GNA15: variants seen among roughly 807,000 people sequenced by gnomAD.
GNA15 encodes G protein subunit alpha 15.
In GNA15, 23 loss-of-function variants were observed where a neutral mutation model predicts 40.1. The observed-to-expected ratio is 0.57, with a 90% CI of 0.41 to 0.81. The LOEUF (loss-of-function observed/expected upper bound fraction) is 0.81, where lower values mean the gene tolerates loss of function less well. GNA15 is among the 40% of genes least tolerant of loss of function. GNA15 has a pLI of 0.00. For missense variants in GNA15, 522 were observed against 515.8 expected (o/e 1.01, Z -0.12); for synonymous variants, 226 against 210.4 (o/e 1.07, Z -0.64).
At chr19:3,145,359 A>ATATATATATATATATATATTTTTTT in intron 1 of GNA15, among the ~76,000 whole-genome samples, 2 of 46,972 alleles carry the variant, frequency 4.3e-5, no homozygotes, top group Non-Finnish European at 7.8e-5. Flanking sequence ...ATATATATAT[A>ATATATATATATATATATATTTTTTT]TTTTTTTTTT....
chr19:3,156,162 A>C (rs1915008383), intron 5 of GNA15, among the ~76,000 whole-genome samples: 2 of 121,774 alleles, frequency 1.6e-5, no homozygotes, highest in African/African-American at 7.1e-5. Context: ...TCAGGACCCC[A>C]GACACACACA....
intron 2 of GNA15, 74 bp from the exon 3 acceptor site, chr19:3,150,057 G>A (rs980300302): frequency 7.5e-7 from 1 of 1,326,874 alleles, no homozygotes; most frequent in Non-Finnish European, 1.1e-6. Context: ...GGACGTGGGG[G>A]CTTGCAGAGA....
intron 4 of GNA15, among the ~76,000 whole-genome samples, chr19:3,153,606 T>C (rs1479925320): frequency 6.7e-6 from 1 of 148,932 alleles, no homozygotes; most frequent in Non-Finnish European, 1.5e-5. Flanking sequence ...GATGAATTAA[T>C]GGGTAGATGG....
chr19:3,140,044 A>AAAAATCTATCTATCTATCTATCTATCT (rs71307196), intron 1 of GNA15, among the ~76,000 whole-genome samples: 1 of 124,054 alleles, frequency 8.1e-6, no homozygotes, highest in Non-Finnish European at 1.8e-5. Flanking sequence ...AAAAAAAAAA[A>AAAAATCTATCTATCTATCTATCTATCT]ATCTATCTAT....
Position 3,136,536 on chromosome 19 carries a change from A to G in GNA15, c.86A>G (p.Asn29Ser). 1 of 1,569,538 alleles carries G rather than the reference A, an allele frequency of 6.4e-7. No homozygotes were observed. Among genetic ancestry groups the G allele is most frequent in the Non-Finnish European group, 8.6e-7 (1 of 1,157,546 alleles). The change falls in exon 1 of 7, where the codon AAC (asparagine) becomes AGC (serine). Residue 29 changes from asparagine to serine, a missense_variant. Asn to Ser is a conservative substitution (Grantham distance 46, BLOSUM62 1). Coordinates refer to ENST00000262958, the MANE Select transcript of GNA15 (RefSeq NM_002068.4). The surrounding 1 kb of genome is among the most constrained non-coding windows in gnomAD (Gnocchi z 4.9). ...GCCGCCCGGGTGGACCAGGAGATCA[A>G]CAGGATCCTCTTGGAGCAGAAGAAG... is the stretch of plus-strand genomic sequence containing the variant. ...KAAARVDQEI[N>S]RILLEQKKQD...
intron 5 of GNA15, among the ~76,000 whole-genome samples, chr19:3,157,061 G>A (rs1915047206): frequency 6.6e-6 from 1 of 151,572 alleles, no homozygotes; most frequent in Non-Finnish European, 1.5e-5. Context: ...GCAGTGGCGC[G>A]ATCTCAGCTC....
rs540259618 is a variant in GNA15, at chr19:3,151,207, G to A, written c.486-500G>A. 4.0e-5 allele frequency among the ~76,000 whole-genome samples: 6 copies of A among 151,010 alleles called. No homozygotes were observed. Among genetic ancestry groups the A allele is most frequent in the African/African-American group, 4.9e-5 (2 of 41,112 alleles). ...TGTTTCTGAGGGGACCCTATTCTGG[G>A]GGGACCCTGTTCCTGGAGTGACCCT... On this transcript the variant is annotated intron_variant, in intron 3 of 6. Coordinates refer to ENST00000262958, the MANE Select transcript of GNA15 (RefSeq NM_002068.4). This position sits in a 1 kb window ranked among gnomAD's most constrained non-coding sequence, Gnocchi z 5.0.
intron 2 of GNA15, 150 bp from the exon 3 acceptor site, chr19:3,149,981 T>G: frequency 1.6e-6 from 1 of 621,504 alleles, no homozygotes; most frequent in Non-Finnish European, 2.8e-6. Context: ...AAATCAGAAG[T>G]GTGCGGGGGG....
intron 1 of GNA15, chr19:3,142,417 T>C (rs1568293377): frequency 6.6e-6 from 1 of 152,064 alleles, no homozygotes; most frequent in African/African-American, 2.4e-5. Flanking sequence ...GGCAACAGGA[T>C]TATCATTTAT....
intron 4 of GNA15, among the ~76,000 whole-genome samples, chr19:3,153,842 A>AGGAT (rs1914939364): frequency 2.1e-5 from 3 of 143,548 alleles, no homozygotes; most frequent in African/African-American, 7.7e-5. Flanking sequence ...GGGTGAGTGA[A>AGGAT]GGATGGATGG....
At chr19:3,156,308 C>T (rs1335362717) in intron 5 of GNA15, among the ~76,000 whole-genome samples, 1 of 151,790 alleles carries the variant, frequency 6.6e-6, no homozygotes, top group Non-Finnish European at 1.5e-5. Flanking sequence ...CATGTACACA[C>T]GCAGTGCACA....
At chr19:3,149,046 T>C in intron 2 of GNA15, 2 of 448,174 alleles carry the variant, frequency 4.5e-6, no homozygotes, top group East Asian at 7.5e-5. Context: ...CACACGTACA[T>C]GCTCACAAAG....
At chr19:3,144,127 C>CAAA (rs367866195) in intron 1 of GNA15, among the ~76,000 whole-genome samples, 50,795 of 124,078 alleles carry the variant, frequency 0.41, 10,493 homozygotes, top group African/African-American at 0.49. Context: ...GACTCCCTCT[C>CAAA]AAAAAAAAAA....
chr19:3,144,127 CAAA>C (rs367866195), intron 1 of GNA15, among the ~76,000 whole-genome samples: 15 of 124,876 alleles, frequency 1.2e-4, no homozygotes, highest in African/African-American at 4.0e-4. Flanking sequence ...GACTCCCTCT[CAAA>C]AAAAAAAAAA....
intron 1 of GNA15, among the ~76,000 whole-genome samples, chr19:3,147,686 C>T (rs1416171022): frequency 2.6e-5 from 4 of 151,894 alleles, no homozygotes; most frequent in Non-Finnish European, 5.9e-5. Flanking sequence ...GCGGGTGGAT[C>T]ACGAGGTCAA....
chr19:3,142,198 C>G (rs531569460), intron 1 of GNA15: 1 of 152,242 alleles, frequency 6.6e-6, no homozygotes, highest in Non-Finnish European at 1.5e-5. Context: ...GTCTGGGCCG[C>G]ATGGCCTTTG....
chr19:3,136,986 C>T lies in GNA15; in HGVS notation c.145+391C>T, dbSNP rs1402816589. On this transcript the variant is annotated intron_variant, in intron 1 of 6. Coordinates refer to ENST00000262958, the MANE Select transcript of GNA15 (RefSeq NM_002068.4). This position sits in a 1 kb window ranked among gnomAD's most constrained non-coding sequence, Gnocchi z 4.9. ...CCCACCCGTAAGGGAGGGGCCGGCT[C>T]CAGCCTCTCCTTCACCAGGACGCTC... 6.6e-6 allele frequency among the ~76,000 whole-genome samples: 1 copy of T among 152,220 alleles called. No individual in the cohort carries two copies.
intron 5 of GNA15, 102 bp downstream of exon 5, chr19:3,156,054 G>A (rs1250903718): frequency 1.8e-6 from 2 of 1,118,586 alleles, no homozygotes; most frequent in African/African-American, 1.6e-5. Context: ...GCTCTTGAAC[G>A]GGCCTGTGTG....
intron 1 of GNA15, among the ~76,000 whole-genome samples, chr19:3,137,374 C>G (rs1289010793): frequency 2.6e-5 from 4 of 152,166 alleles, no homozygotes; most frequent in South Asian, 4.1e-4. Flanking sequence ...TGGCTGGGTG[C>G]AGTGGCTCAA....
Sources: gnomAD v4.1 joint callset for allele counts (sites outside exome capture counted in the v4.1 genomes callset) on GRCh38, gnomAD v4.1.1 for gene constraint, Gnocchi (gnomAD v3.1) non-coding constraint, MANE v1.5 for transcripts, NCBI Gene and HGNC (gene_info 2026-07-23, HGNC 2026-07-21) for gene names.